Variants in PDE4D observed in about 807,000 individuals in gnomAD.
PDE4D encodes the protein phosphodiesterase 4D.
PDE4D carries 24 observed loss-of-function variants against 87.4 expected under a neutral mutation model. The ratio of observed to expected loss-of-function variants is 0.27; its 90% CI spans 0.20 to 0.39. PDE4D has a LOEUF of 0.39. Ranked by LOEUF, PDE4D falls within the 10% of genes least tolerant of loss-of-function variation. PDE4D has a pLI of 1.00. For missense variants in PDE4D, 714 were observed against 1,041.0 expected, an observed-to-expected ratio of 0.69 and a Z score of 4.32; for synonymous variants, 384 against 383.2, an observed-to-expected ratio of 1.00 and a Z score of -0.02.
intron 1 of PDE4D, among the ~76,000 whole-genome samples, chr5:59,633,493 G>C (rs140477941): frequency 1.3e-5 from 2 of 152,142 alleles, no homozygotes; most frequent in Non-Finnish European, 1.5e-5. Flanking sequence ...AGAGAGAAAG[G>C]TTGGGTTACC....
At chr5:59,826,974 T>C (rs757239640) in intron 1 of PDE4D, among the ~76,000 whole-genome samples, 6 of 152,036 alleles carry the variant, frequency 3.9e-5, no homozygotes, top group Non-Finnish European at 7.4e-5. Flanking sequence ...ATTGATAGAA[T>C]TGAATCTAAG....
chr5:60,430,271 A>G (rs1201141452), intron 1 of PDE4D: 8 of 498,072 alleles, frequency 1.6e-5, no homozygotes, highest in Middle Eastern at 3.3e-4. Context: ...TCTTTGCAGG[A>G]GCCATTCTGC....
intron 1 of PDE4D, among the ~76,000 whole-genome samples, chr5:59,572,716 G>A (rs1822080880): frequency 6.6e-6 from 1 of 152,094 alleles, no homozygotes; most frequent in Non-Finnish European, 1.5e-5. Context: ...TCCTGACCTC[G>A]TGATCCACCC....
chr5:59,909,257 T>C (rs1304946974), intron 3 of PDE4D, among the ~76,000 whole-genome samples: 1 of 152,194 alleles, frequency 6.6e-6, no homozygotes, highest in Non-Finnish European at 1.5e-5. Flanking sequence ...TTTAGTATTA[T>C]TCAAAATGTG....
intron 1 of PDE4D, among the ~76,000 whole-genome samples, chr5:59,519,924 A>T (rs1188020655): frequency 1.3e-5 from 2 of 152,070 alleles, no homozygotes; most frequent in Non-Finnish European, 2.9e-5. Context: ...ACACACACAC[A>T]CAAATCTCTA....
At chr5:60,157,142 C>A (rs552732308) in intron 2 of PDE4D, among the ~76,000 whole-genome samples, 1 of 152,098 alleles carries the variant, frequency 6.6e-6, no homozygotes. Flanking sequence ...CCTTCATGAG[C>A]ATTGGGTATA....
intron 1 of PDE4D, among the ~76,000 whole-genome samples, chr5:59,537,676 A>G (rs765086391): frequency 9.9e-5 from 15 of 152,176 alleles, no homozygotes; most frequent in Non-Finnish European, 2.1e-4. Flanking sequence ...GTTTTTGAGA[A>G]CTATCACTTG....
chr5:59,575,474 A>T (rs534414554), intron 1 of PDE4D, among the ~76,000 whole-genome samples: 1 of 152,326 alleles, frequency 6.6e-6, no homozygotes, highest in Admixed American at 6.5e-5. Context: ...GTCTTAGATA[A>T]GGTGATTTGT....
chr5:59,214,727 T>C (rs67272153), intron 2 of PDE4D, among the ~76,000 whole-genome samples: 18,654 of 152,122 alleles, frequency 0.12, 1,766 homozygotes, highest in African/African-American at 0.26. Context: ...GAAAGTTGTT[T>C]AGAGATGAAG....
intron 1 of PDE4D, among the ~76,000 whole-genome samples, chr5:59,841,770 ATAAACAGTAGAAGT>A (rs1296493703): frequency 1.3e-5 from 2 of 152,072 alleles, no homozygotes; most frequent in African/African-American, 4.8e-5. Context: ...TAAGACTTAA[ATAAACAGTAGAAGT>A]TAACCAGATT....
At chr5:60,313,246 G>A (rs570214952) in intron 1 of PDE4D, among the ~76,000 whole-genome samples, 1 of 152,132 alleles carries the variant, frequency 6.6e-6, no homozygotes, top group East Asian at 1.9e-4. Flanking sequence ...TGGTAAAGGG[G>A]ATATTACCAT....
intron 1 of PDE4D, among the ~76,000 whole-genome samples, chr5:60,317,451 T>C (rs1190362983): frequency 1.3e-5 from 2 of 152,228 alleles, no homozygotes; most frequent in Non-Finnish European, 2.9e-5. Flanking sequence ...CTTGGATTCA[T>C]TGATTTTTTG....
chr5:59,013,424 T>A (rs986560390), intron 6 of PDE4D, among the ~76,000 whole-genome samples: 2 of 151,142 alleles, frequency 1.3e-5, no homozygotes, highest in African/African-American at 2.4e-5. Flanking sequence ...AAAGAAGAAA[T>A]GAGAGAAGAA....
chr5:59,569,968 A>C (rs1821553048), intron 1 of PDE4D, among the ~76,000 whole-genome samples: 3 of 152,232 alleles, frequency 2.0e-5, no homozygotes, highest in Admixed American at 2.0e-4. Context: ...TTTCCAAAAT[A>C]GGTTCCATAT....
chr5:60,365,354 C>G (rs2035839945), intron 1 of PDE4D, among the ~76,000 whole-genome samples: 1 of 152,104 alleles, frequency 6.6e-6, no homozygotes, highest in South Asian at 2.1e-4. Flanking sequence ...TATGGACCCC[C>G]CTAAAGCTGC....
chr5:59,035,027 A>T (rs1039546126), intron 6 of PDE4D, among the ~76,000 whole-genome samples: 1 of 152,246 alleles, frequency 6.6e-6, no homozygotes, highest in African/African-American at 2.4e-5. Context: ...AGGGTTCCAT[A>T]GCATAATCCT....
At chr5:60,171,107 G>A (rs960874356) in intron 2 of PDE4D, among the ~76,000 whole-genome samples, 3 of 152,032 alleles carry the variant, frequency 2.0e-5, no homozygotes, top group Non-Finnish European at 4.4e-5. Flanking sequence ...ATGTACCAAA[G>A]ATGGAATGAC....
intron 1 of PDE4D, among the ~76,000 whole-genome samples, chr5:59,677,107 GA>G (rs1005719802): frequency 5.5e-5 from 8 of 145,170 alleles, no homozygotes; most frequent in East Asian, 2.0e-4. Context: ...CTTGTGAATT[GA>G]AAAAAAAAAG....
At chr5:59,245,399 T>C (rs187760648) in intron 1 of PDE4D, among the ~76,000 whole-genome samples, 22 of 152,280 alleles carry the variant, frequency 1.4e-4, no homozygotes, top group Admixed American at 1.4e-3. Context: ...TTGAGGCATA[T>C]TTTTTCCTTC....
Sources: allele counts gnomAD v4.1 joint callset (sites outside exome capture counted in the v4.1 genomes callset), GRCh38; gene constraint gnomAD v4.1.1; transcripts MANE v1.5; gene names NCBI Gene and HGNC (gene_info 2026-07-23, HGNC 2026-07-21).